Variants in DGKB observed in about 807,000 individuals in gnomAD.
The protein encoded by DGKB is 90 kDa diacylglycerol kinase.
A neutral mutation model predicts 114.3 loss-of-function variants in DGKB; 67 were observed. The observed-to-expected ratio is 0.59, with a 90% CI of 0.48 to 0.72. DGKB has a LOEUF of 0.72. Among genes scored for constraint, DGKB ranks in the 30% least tolerant of loss-of-function variants. The pLI, the probability that DGKB is intolerant of heterozygous loss-of-function variation, is 0.00. For missense variants in DGKB, 907 were observed against 975.2 expected (o/e 0.93, Z 0.93); for synonymous variants, 398 against 323.1 (o/e 1.23, Z -2.49).
At chr7:14,215,729 T>A (rs1788844878) in intron 23 of DGKB, among the ~76,000 whole-genome samples, 1 of 152,140 alleles carries the variant, frequency 6.6e-6, no homozygotes, top group African/African-American at 2.4e-5. Flanking sequence ...GATTTAGGAT[T>A]GGAGCTCCAA....
rs1378865754 is a variant in DGKB, at chr7:14,743,801, C to T, written c.169-7607G>A. On this transcript the variant is annotated intron_variant, in intron 4 of 25. Transcript: ENST00000402815. Reference sequence around the variant, plus strand: ...CAATCACATTTCTGACTGTAACTACCCTGGTCATTTTGTTATTCATAAACA... The same window carrying T: ...CAATCACATTTCTGACTGTAACTACTCTGGTCATTTTGTTATTCATAAACA... Among the ~76,000 whole-genome samples the T allele has an allele frequency of 2.0e-5, 3 of 151,920 alleles. No homozygotes were observed. In the East Asian group the frequency reaches 5.8e-4, roughly 29 times the overall value.
At chr7:14,200,080 T>C (rs1785606346) in intron 23 of DGKB, among the ~76,000 whole-genome samples, 2 of 152,070 alleles carry the variant, frequency 1.3e-5, no homozygotes, top group South Asian at 4.1e-4. Flanking sequence ...TGCCACTGCA[T>C]AGAGGTCATT....
intron 21 of DGKB, among the ~76,000 whole-genome samples, chr7:14,440,471 C>T (rs913252084): frequency 1.3e-5 from 2 of 152,022 alleles, no homozygotes; most frequent in African/African-American, 2.4e-5. Context: ...CTCATTCTTT[C>T]GGCCTTCAAT....
intron 21 of DGKB, 74 bp downstream of exon 21, chr7:14,478,086 CT>C: frequency 1.0e-6 from 1 of 955,666 alleles, no homozygotes; most frequent in Non-Finnish European, 1.6e-6. Flanking sequence ...ATAAAATATT[CT>C]GTACCATCTA....
chr7:14,338,462 C>G (rs1176332312), intron 23 of DGKB, 53 bp downstream of exon 23: 4 of 1,130,306 alleles, frequency 3.5e-6, no homozygotes, highest in Middle Eastern at 2.1e-4. Flanking sequence ...TTTAAAGAAG[C>G]CTTTGAAAAC....
chr7:14,904,821 G>A (rs1374628835), upstream of DGKB, among the ~76,000 whole-genome samples: 1 of 152,074 alleles, frequency 6.6e-6, no homozygotes, highest in Non-Finnish European at 1.5e-5. Flanking sequence ...ACAGTCTGAA[G>A]AGTACCTTTT....
chr7:14,390,833 A>C (rs1338063601), intron 21 of DGKB, among the ~76,000 whole-genome samples: 1 of 152,216 alleles, frequency 6.6e-6, no homozygotes, highest in Non-Finnish European at 1.5e-5. Context: ...AAATAGTCAC[A>C]ATAGAATTTA....
intron 20 of DGKB, among the ~76,000 whole-genome samples, chr7:14,539,482 C>T (rs1793066360): frequency 6.6e-6 from 1 of 152,074 alleles, no homozygotes; most frequent in South Asian, 2.1e-4. Context: ...CATAAATTTA[C>T]TAAAAACATC....
intron 23 of DGKB, among the ~76,000 whole-genome samples, chr7:14,244,326 A>C (rs564275559): frequency 6.6e-6 from 1 of 152,112 alleles, no homozygotes; most frequent in African/African-American, 2.4e-5. Flanking sequence ...GTTCTTCCCA[A>C]ATTCATCTGT....
intron 14 of DGKB, among the ~76,000 whole-genome samples, chr7:14,627,638 C>T (rs1185939338): frequency 6.6e-6 from 1 of 151,046 alleles, no homozygotes; most frequent in Non-Finnish European, 1.5e-5. Context: ...TATGTGTATA[C>T]TTTATATACA....
intron 2 of DGKB, among the ~76,000 whole-genome samples, chr7:14,783,828 GA>G (rs1839468481): frequency 6.6e-6 from 1 of 152,184 alleles, no homozygotes; most frequent in Non-Finnish European, 1.5e-5. Context: ...TTCTAAAGTA[GA>G]GAATGAAAGA....
At chr7:14,271,725 C>G (rs942966664) in intron 23 of DGKB, among the ~76,000 whole-genome samples, 1 of 152,200 alleles carries the variant, frequency 6.6e-6, no homozygotes, top group Non-Finnish European at 1.5e-5. Context: ...ATGCCCCAAA[C>G]ACAAAAGCTT....
rs568166780 is a variant in DGKB at position 14,408,549 on chromosome 7, A to G, written c.1836-63158T>C. On this transcript the variant is annotated intron_variant, in intron 21 of 25. Coordinates refer to ENST00000402815, the MANE Select transcript of DGKB (RefSeq NM_001350709.2). ...TGAGGTGCAGGCAAAATGCCATTGGAGGATACATTTAACAACCTTCCAAAT... is the reference window on the plus strand; with the variant it reads ...TGAGGTGCAGGCAAAATGCCATTGGGGGATACATTTAACAACCTTCCAAAT... Among the ~76,000 whole-genome samples, 12 of 152,272 alleles carry G rather than the reference A, an allele frequency of 7.9e-5. No homozygotes were observed. In the South Asian group the frequency reaches 2.5e-3, roughly 32 times the overall value.
chr7:14,609,906 C>T (rs982361244), intron 16 of DGKB, among the ~76,000 whole-genome samples: 1 of 152,004 alleles, frequency 6.6e-6, no homozygotes, highest in East Asian at 1.9e-4. Flanking sequence ...AAAGGAAATG[C>T]CTCTATGCTG....
intron 2 of DGKB, among the ~76,000 whole-genome samples, chr7:14,801,876 ATG>A (rs747523350): frequency 2.9e-4 from 44 of 151,470 alleles, no homozygotes; most frequent in African/African-American, 7.5e-4. Context: ...ATATATACAT[ATG>A]TGTGTGTGTA....
chr7:14,158,429 T>A (rs1240495860), intron 25 of DGKB, among the ~76,000 whole-genome samples: 1 of 152,164 alleles, frequency 6.6e-6, no homozygotes, highest in Non-Finnish European at 1.5e-5. Flanking sequence ...GAGAGCATAA[T>A]TATTTCTGTT....
At chr7:14,817,497 T>C (rs1007242345) in intron 2 of DGKB, among the ~76,000 whole-genome samples, 2 of 152,094 alleles carry the variant, frequency 1.3e-5, no homozygotes, top group Non-Finnish European at 2.9e-5. Context: ...TTGATGACGA[T>C]AAAAACAATC....
chr7:14,936,110 T>C (rs1276049077), intron 1 of DGKB, among the ~76,000 whole-genome samples: 1 of 152,148 alleles, frequency 6.6e-6, no homozygotes, highest in Admixed American at 6.6e-5. Context: ...AAGGAGCCTC[T>C]GTAGGTTTTT....
In DGKB at chr7:14,612,062, T is replaced by C. The variant is rs369314505; in HGVS notation, c.1358+1278A>G. ...CTTTAATAAAGCATTAGGAATATTT[T>C]TAATTATTAAAACATTATTTAAAAT... On this transcript the variant is annotated intron_variant, in intron 16 of 25. Coordinates refer to ENST00000402815, the MANE Select transcript of DGKB (RefSeq NM_001350709.2). Among the ~76,000 whole-genome samples the C allele has an allele frequency of 4.8e-4, 73 of 151,936 alleles. 1 individual carries two copies. In the East Asian group the frequency reaches 0.014, roughly 29 times the overall value.
Sources: gnomAD v4.1 joint callset for allele counts (sites outside exome capture counted in the v4.1 genomes callset) on GRCh38, gnomAD v4.1.1 for gene constraint, MANE v1.5 for transcripts, NCBI Gene and HGNC (gene_info 2026-07-23, HGNC 2026-07-21) for gene names.